The following RBFOX1 variants were observed in gnomAD, a reference collection of about 807,000 sequenced individuals.
RBFOX1 encodes the protein RNA binding fox-1 homolog 1.
RBFOX1 carries 8 observed loss-of-function variants against 57.7 expected under a neutral mutation model. The ratio of observed to expected loss-of-function variants is 0.14; its 90% CI spans 0.08 to 0.25. The LOEUF (loss-of-function observed/expected upper bound fraction) is 0.25. Ranked by LOEUF, RBFOX1 falls within the 10% of genes least tolerant of loss-of-function variation. RBFOX1 has a pLI of 1.00. For missense variants in RBFOX1, 611 were observed against 548.5 expected, an observed-to-expected ratio of 1.11 and a Z score of -1.14; for synonymous variants, 326 against 222.4, an observed-to-expected ratio of 1.47 and a Z score of -4.15.
chr16:7,154,458 T>C (rs990299496), intron 4 of RBFOX1, among the ~76,000 whole-genome samples: 1 of 152,200 alleles, frequency 6.6e-6, no homozygotes, highest in African/African-American at 2.4e-5. Context: ...TTTCCTAAGA[T>C]TTACCTGACA....
chr16:6,315,046 G>C (rs1405487098), intron 1 of RBFOX1, among the ~76,000 whole-genome samples: 1 of 152,174 alleles, frequency 6.6e-6, no homozygotes. Context: ...CATTTAGAAG[G>C]CTTAATAAAC....
chr16:7,349,990 A>G (rs1307755591), intron 4 of RBFOX1, among the ~76,000 whole-genome samples: 1 of 152,146 alleles, frequency 6.6e-6, no homozygotes, highest in Non-Finnish European at 1.5e-5. Flanking sequence ...CTACTGAAAC[A>G]TACAAAAATT....
chr16:7,264,965 C>G (rs1479417875), intron 4 of RBFOX1, among the ~76,000 whole-genome samples: 2 of 152,252 alleles, frequency 1.3e-5, no homozygotes, highest in Non-Finnish European at 2.9e-5. Context: ...GACTCAATGC[C>G]ACCAAGCAGT....
At chr16:6,081,169 C>A (rs942187422) in intron 1 of RBFOX1, among the ~76,000 whole-genome samples, 2 of 152,162 alleles carry the variant, frequency 1.3e-5, no homozygotes, top group Non-Finnish European at 2.9e-5. Flanking sequence ...CTTTAGCAGA[C>A]TGATGAAGGC....
intron 4 of RBFOX1, among the ~76,000 whole-genome samples, chr16:5,920,472 T>C (rs1312143502): frequency 6.6e-6 from 1 of 151,914 alleles, no homozygotes; most frequent in Non-Finnish European, 1.5e-5. Context: ...TACCTAGGAG[T>C]GGAATTACTG....
intron 4 of RBFOX1, among the ~76,000 whole-genome samples, chr16:7,370,418 C>A (rs1319749953): frequency 6.6e-6 from 1 of 152,142 alleles, no homozygotes; most frequent in Non-Finnish European, 1.5e-5. Context: ...TCTGAATTTT[C>A]CAATTATATC....
Position 6,542,483 on chromosome 16 carries a change from C to CTTTT in RBFOX1, c.-63-112099_-63-112096dup, listed in dbSNP as rs71145245. Reference sequence around the variant, plus strand: ...CCACTGCCCTGTGTGGGACCATAGTCTTTTTTTTTTTTTTTTTTTTTTTTG... The same window carrying CTTTT: ...CCACTGCCCTGTGTGGGACCATAGTCTTTTTTTTTTTTTTTTTTTTTTTTTTTTG... On this transcript the variant is annotated intron_variant, in intron 2 of 15. Coordinates refer to ENST00000550418, the MANE Select transcript of RBFOX1 (RefSeq NM_018723.4). 7.2e-5 allele frequency among the ~76,000 whole-genome samples: 4 copies of CTTTT among 55,730 alleles called. 1 individual carries two copies. The highest frequency in any genetic ancestry group is 2.3e-4 in the African/African-American group (3 of 13,234). The allele number at this position is 55,730 out of a possible 152,430, so 36.6% of individuals were successfully genotyped here. A position where few individuals can be genotyped will look rare whatever the true frequency, so the allele number is the denominator to read the frequency against.
intron 4 of RBFOX1, among the ~76,000 whole-genome samples, chr16:7,228,264 C>T (rs151251043): frequency 6.6e-6 from 1 of 152,236 alleles, no homozygotes; most frequent in African/African-American, 2.4e-5. Flanking sequence ...TCCGACTGAT[C>T]AGAGCTGAGG....
At chr16:7,130,953 A>C (rs1386643205) in intron 4 of RBFOX1, among the ~76,000 whole-genome samples, 1 of 152,202 alleles carries the variant, frequency 6.6e-6, no homozygotes, top group African/African-American at 2.4e-5. Context: ...AAGGTGCACC[A>C]CCTATAAGTG....
rs144878042 is a variant in RBFOX1, at chr16:7,002,990, C to A, written c.-15-49067C>A. 1.5e-3 allele frequency among the ~76,000 whole-genome samples: 224 copies of A among 151,468 alleles called. 1 individual carries two copies. Among genetic ancestry groups the A allele is most frequent in the African/African-American group, 5.2e-3 (216 of 41,222 alleles). On this transcript the variant is annotated intron_variant, in intron 3 of 15. Coordinates refer to ENST00000550418, the MANE Select transcript of RBFOX1 (RefSeq NM_018723.4). ...AACATTTTATTACAGTTATTTTCTC[C>A]AAACTATGAGTGGATCTTGGTGGTC... is the stretch of plus-strand genomic sequence containing the variant.
At chr16:6,807,129 C>T (rs2087040644) in intron 3 of RBFOX1, among the ~76,000 whole-genome samples, 1 of 151,822 alleles carries the variant, frequency 6.6e-6, no homozygotes, top group Non-Finnish European at 1.5e-5. Flanking sequence ...CCACCGTGCC[C>T]AGCCTCTTTT....
intron 3 of RBFOX1, among the ~76,000 whole-genome samples, chr16:6,719,689 A>G (rs1413844777): frequency 3.3e-5 from 5 of 151,160 alleles, no homozygotes; most frequent in South Asian, 2.1e-4. Flanking sequence ...CTTGTGATCC[A>G]CCCACCTTGG....
chr16:5,793,419 C>T (rs1457126506), intron 3 of RBFOX1, among the ~76,000 whole-genome samples: 3 of 152,226 alleles, frequency 2.0e-5, no homozygotes, highest in Non-Finnish European at 2.9e-5. Flanking sequence ...CCCTGATTTT[C>T]AATTCAGCCC....
At chr16:5,990,980 GA>G (rs562706023) in intron 4 of RBFOX1, among the ~76,000 whole-genome samples, 3 of 151,536 alleles carry the variant, frequency 2.0e-5, no homozygotes, top group African/African-American at 4.8e-5. Flanking sequence ...GTCAGAGAGA[GA>G]AAAAAAATAC....
intron 3 of RBFOX1, among the ~76,000 whole-genome samples, chr16:5,765,886 A>G (rs1292439916): frequency 6.6e-6 from 1 of 152,168 alleles, no homozygotes; most frequent in Non-Finnish European, 1.5e-5. Flanking sequence ...GGAAAAGACA[A>G]CCTTGGTTGT....
intron 4 of RBFOX1, among the ~76,000 whole-genome samples, chr16:5,924,936 A>C (rs2152236222): frequency 6.6e-6 from 1 of 152,288 alleles, no homozygotes; most frequent in African/African-American, 2.4e-5. Flanking sequence ...TCTAGGCAAA[A>C]CCACAATACA....
chr16:6,848,494 T>G (rs1021870530), intron 3 of RBFOX1, among the ~76,000 whole-genome samples: 2 of 152,092 alleles, frequency 1.3e-5, no homozygotes, highest in African/African-American at 2.4e-5. Context: ...AGGCACTATT[T>G]GCTATTTTCG....
chr16:6,430,081 C>T (rs776032866), intron 2 of RBFOX1, among the ~76,000 whole-genome samples: 2 of 151,704 alleles, frequency 1.3e-5, no homozygotes, highest in African/African-American at 4.8e-5. Flanking sequence ...GCATTCCAGC[C>T]TGGGCAACAA....
chr16:6,085,681 C>T (rs983013810), intron 1 of RBFOX1, among the ~76,000 whole-genome samples: 59 of 110,306 alleles, frequency 5.3e-4, no homozygotes, highest in Non-Finnish European at 9.8e-4. Flanking sequence ...TGTGTGTGTG[C>T]ATGCGCGCAC....
Sources: gnomAD v4.1 joint callset for allele counts (sites outside exome capture counted in the v4.1 genomes callset) on GRCh38, gnomAD v4.1.1 for gene constraint, MANE v1.5 for transcripts, NCBI Gene and HGNC (gene_info 2026-07-23, HGNC 2026-07-21) for gene names.